CCDC83: variants seen among roughly 807,000 people sequenced by gnomAD.
CCDC83 encodes coiled-coil domain containing 83, also known as coiled-coil domain-containing protein 83.
CCDC83 carries 54 observed loss-of-function variants against 50.1 expected under a neutral mutation model. The ratio of observed to expected loss-of-function variants is 1.08; its 90% CI spans 0.87 to 1.35. CCDC83 has a LOEUF of 1.35. CCDC83 is among the 40% of genes most tolerant of loss of function. The pLI, the probability that CCDC83 is intolerant of heterozygous loss-of-function variation, is 0.00. For missense variants in CCDC83, 518 were observed against 473.9 expected (o/e 1.09, Z -0.86); for synonymous variants, 161 against 153.3 (o/e 1.05, Z -0.37).
chr11:85,919,203 AT>A (rs1438380723), intron 10 of CCDC83, 145 bp from the exon 11 acceptor site: 5 of 678,518 alleles, frequency 7.4e-6, no homozygotes, highest in Non-Finnish European at 1.2e-5. Flanking sequence ...TGGCTCTCAT[AT>A]TTCATGTGCT....
chr11:85,893,760 G>C (rs1403539529), intron 5 of CCDC83, among the ~76,000 whole-genome samples: 3 of 152,172 alleles, frequency 2.0e-5, no homozygotes, highest in Non-Finnish European at 4.4e-5. Flanking sequence ...TAGGCTGCAT[G>C]CTCCTTATAA....
intron 7 of CCDC83, among the ~76,000 whole-genome samples, chr11:85,904,844 T>C (rs1475751318): frequency 6.6e-6 from 1 of 152,230 alleles, no homozygotes; most frequent in Non-Finnish European, 1.5e-5. Context: ...TGACTGAGTA[T>C]AGTGAGTCTA....
In CCDC83 at chr11:85,886,357, G is replaced by A; in HGVS notation, c.501G>A (p.Glu167=). 1 of 1,587,164 alleles carries A rather than the reference G, an allele frequency of 6.3e-7. No homozygotes were observed. The highest frequency in any genetic ancestry group is 1.2e-5 in the South Asian group (1 of 85,474). ...NDINTVKENA[E]KMSEHYKITL... is the part of the protein sequence containing the mutation. ...TCAACACAGTTAAAGAGAATGCAGAGAAAATGTCAGGTCAGTTGCAACAAA... is the reference window on the plus strand; with the variant it reads ...TCAACACAGTTAAAGAGAATGCAGAAAAAATGTCAGGTCAGTTGCAACAAA... The change falls in exon 5 of 11, where the codon GAG becomes GAA. Residue 167 remains glutamate, a synonymous_variant. Coordinates refer to ENST00000342404, the MANE Select transcript of CCDC83 (RefSeq NM_001286159.2).
chr11:85,886,498 T>G, intron 5 of CCDC83, 131 bp downstream of exon 5: 1 of 671,054 alleles, frequency 1.5e-6, no homozygotes, highest in Non-Finnish European at 2.2e-6. Flanking sequence ...GCTGTGAGCC[T>G]AAGGGTAAAG....
chr11:85,898,279 T>C (rs1426518385), intron 6 of CCDC83, among the ~76,000 whole-genome samples: 1 of 152,170 alleles, frequency 6.6e-6, no homozygotes, highest in Non-Finnish European at 1.5e-5. Flanking sequence ...TGCCCTTCAG[T>C]TACTAAATAT....
chr11:85,919,714 T>C lies in CCDC83; in HGVS notation c.*204T>C. On this transcript the variant is annotated 3_prime_UTR_variant, in exon 11 of 11. Transcript: ENST00000342404. Reference sequence around the variant, plus strand: ...GAGTGACCAAAACGGAAGCACGCTTTGTATTTCTACACTGAAGTATTCAGA... The same window carrying C: ...GAGTGACCAAAACGGAAGCACGCTTCGTATTTCTACACTGAAGTATTCAGA... 3.8e-6 allele frequency: 2 copies of C among 522,486 alleles called. No individual in the cohort carries two copies. Among genetic ancestry groups the C allele is most frequent in the Non-Finnish European group, 3.4e-6 (1 of 297,738 alleles). The allele number at this position is 522,486 out of a possible 1,614,324, so 32.4% of individuals were successfully genotyped here.
chr11:85,894,368 T>C (rs763171367), intron 5 of CCDC83, among the ~76,000 whole-genome samples: 33 of 152,286 alleles, frequency 2.2e-4, no homozygotes, highest in Non-Finnish European at 5.9e-5. Context: ...CTATGTTACA[T>C]AAATAAAGCA....
At chr11:85,888,406 G>T (rs531185992) in intron 5 of CCDC83, among the ~76,000 whole-genome samples, 1 of 152,264 alleles carries the variant, frequency 6.6e-6, no homozygotes, top group South Asian at 2.1e-4. Flanking sequence ...CACTGAATGT[G>T]TCTTTTCATA....
At chr11:85,873,358 T>A in intron 3 of CCDC83, 63 bp downstream of exon 3, 1 of 615,324 alleles carries the variant, frequency 1.6e-6, no homozygotes, top group Non-Finnish European at 2.8e-6. Flanking sequence ...CTTTAAAAAA[T>A]TGTGGATTAT....
intron 1 of CCDC83, among the ~76,000 whole-genome samples, chr11:85,858,242 C>A (rs894424399): frequency 6.6e-6 from 1 of 152,152 alleles, no homozygotes; most frequent in African/African-American, 2.4e-5. Flanking sequence ...TCTTCCTGCC[C>A]AAGAAGCTGA....
chr11:85,875,736 A>G (rs1017714973), intron 3 of CCDC83, among the ~76,000 whole-genome samples: 2 of 151,976 alleles, frequency 1.3e-5, no homozygotes, highest in Admixed American at 1.3e-4. Flanking sequence ...ATTTAACATG[A>G]CTCATGTTTT....
At chr11:85,867,838 T>A (rs1046818743) in intron 2 of CCDC83, among the ~76,000 whole-genome samples, 2 of 152,234 alleles carry the variant, frequency 1.3e-5, no homozygotes, top group Non-Finnish European at 2.9e-5. Flanking sequence ...TCTCATACCC[T>A]TGTTCTTTTG....
intron 5 of CCDC83, among the ~76,000 whole-genome samples, chr11:85,888,380 C>A (rs999864768): frequency 6.6e-6 from 1 of 152,252 alleles, no homozygotes; most frequent in African/African-American, 2.4e-5. Context: ...ATTTCCATTT[C>A]TTTTATTAAA....
At chr11:85,917,158 GAGAGA>G (rs2093482009) in intron 10 of CCDC83, among the ~76,000 whole-genome samples, 4 of 66,818 alleles carry the variant, frequency 6.0e-5, no homozygotes, top group African/African-American at 2.1e-4. Context: ...GAGAGAGAGA[GAGAGA>G]GAGAGAAAGA....
chr11:85,856,561 A>C (rs1367905495), intron 1 of CCDC83, among the ~76,000 whole-genome samples: 1 of 152,222 alleles, frequency 6.6e-6, no homozygotes, highest in Non-Finnish European at 1.5e-5. Flanking sequence ...CAGAAGACGG[A>C]CTAATTTTAA....
Position 85,855,413 on chromosome 11 carries a change from G to T in CCDC83, c.-200G>T, listed in dbSNP as rs967852186. ...CGAAGCGCCGTTCTTGGGCCGTTAGGAGCTGCTGGGAAGGGCTCTGATAGG... is the reference window on the plus strand; with the variant it reads ...CGAAGCGCCGTTCTTGGGCCGTTAGTAGCTGCTGGGAAGGGCTCTGATAGG... On this transcript the variant is annotated 5_prime_UTR_variant, in exon 1 of 11. Transcript: ENST00000342404. The T allele has an allele frequency of 2.6e-5, 4 of 152,348 alleles. No individual in the cohort carries two copies. Among genetic ancestry groups the T allele is most frequent in the African/African-American group, 9.6e-5 (4 of 41,474 alleles). 9.4% of individuals were successfully genotyped at this position (152,348 alleles called of 1,614,324 possible).
At chr11:85,894,541 A>G (rs1227573980) in intron 5 of CCDC83, among the ~76,000 whole-genome samples, 2 of 152,140 alleles carry the variant, frequency 1.3e-5, no homozygotes, top group Non-Finnish European at 2.9e-5. Flanking sequence ...TTCTCTGATC[A>G]CCCGATCTAA....
At position 85,919,910 on chromosome 11, in the gene CCDC83, G is replaced by C. The variant is rs942392312; in HGVS notation, c.*400G>C. On this transcript the variant is annotated 3_prime_UTR_variant, in exon 11 of 11. Coordinates refer to ENST00000342404, the MANE Select transcript of CCDC83 (RefSeq NM_001286159.2). ...ATCTTTCCCTCTGAGGATGCTCAAT[G>C]TGATAGACAGCCAGTCTATAATGCA... 12 of 189,874 alleles carry C rather than the reference G, an allele frequency of 6.3e-5. No homozygotes were observed. Among genetic ancestry groups the C allele is most frequent in the Non-Finnish European group, 1.1e-5 (1 of 93,986 alleles). The allele number at this position is 189,874 out of a possible 1,614,324, so 11.8% of individuals were successfully genotyped here.
At chr11:85,865,070 C>CT (rs11389838) in intron 1 of CCDC83, 26 bp from the exon 2 acceptor site, 353,152 of 1,229,934 alleles carry the variant, frequency 0.29, 54,925 homozygotes, top group African/African-American at 0.5. Flanking sequence ...GAATTTTTCA[C>CT]TTTCGTATGT....
Sources: gnomAD v4.1 joint callset for allele counts (sites outside exome capture counted in the v4.1 genomes callset) on GRCh38, gnomAD v4.1.1 for gene constraint, MANE v1.5 for transcripts, NCBI Gene and HGNC (gene_info 2026-07-23, HGNC 2026-07-21) for gene names.